Variants in USB1 observed in about 807,000 individuals in gnomAD.
USB1 encodes the protein U6 snRNA biogenesis phosphodiesterase 1.
USB1 carries 21 observed loss-of-function variants against 29.9 expected under a neutral mutation model. The ratio of observed to expected loss-of-function variants is 0.70; its 90% confidence interval spans 0.50 to 1.01. The LOEUF is 1.01. Among genes scored for constraint, USB1 ranks in the 50% least tolerant of loss-of-function variants. The pLI, the probability that USB1 is intolerant of heterozygous loss-of-function variation, is 0.00. For synonymous variants in USB1, 143 were observed against 134.9 expected (o/e 1.06, Z -0.42); for missense variants, 330 against 347.1 (o/e 0.95, Z 0.39).
At chr16:58,004,448 T>C (rs1232244307) in intron 2 of USB1, among the ~76,000 whole-genome samples, 3 of 152,150 alleles carry the variant, frequency 2.0e-5, no homozygotes. Context: ...TTGGGGGCTT[T>C]TTTTGGTTTT....
In USB1 at chr16:58,019,037, G is replaced by A. The variant is rs1481028420; in HGVS notation, c.675G>A (p.Gln225=). The change falls in exon 6 of 7, where the codon CAG becomes CAA. Residue 225 remains glutamine (Q), a synonymous_variant. Transcript: ENST00000219281. ...VGDARLQLEG[Q]CLQELQAIVD... ...ATGCACGTCTCCAGCTGGAGGGGCA[G>A]TGCCTGCAGGAACTACAGGTGAATT... 6.2e-7 allele frequency: 1 copy of A among 1,614,082 alleles called. No homozygotes were observed. Among genetic ancestry groups the A allele is most frequent in the Non-Finnish European group, 8.5e-7 (1 of 1,180,042 alleles).
chr16:58,010,057 CACTGGATCCT>C lies in USB1; in HGVS notation c.395_404del (p.His132ProfsTer7). ...GTCCCAGAGTGTGGTTCTGCGCCAC[CACTGGATCCT>C]CCCCTTCGTGCAGGCTCTGAAAGCC... is the stretch of plus-strand genomic sequence containing the variant. On this transcript the variant is annotated frameshift_variant, in exon 3 of 7. Coordinates refer to ENST00000219281, the MANE Select transcript of USB1 (RefSeq NM_024598.4). LOFTEE classifies it high-confidence loss of function. 1 of 1,614,174 alleles carries C rather than the reference CACTGGATCCT, an allele frequency of 6.2e-7. No homozygotes were observed. Among genetic ancestry groups the C allele is most frequent in the South Asian group, 1.1e-5 (1 of 91,088 alleles).
rs547883874 is a variant in USB1, at chr16:58,020,528, T to TTC, written c.*291_*292dup. On this transcript the variant is annotated 3_prime_UTR_variant, in exon 7 of 7. Transcript: ENST00000219281. ...TCTTCCTCTCCTCTCTCTCTTCCTC[T>TTC]TCTCTCTCTTCCCCTCCTGTCTCTC... 2 of 453,752 alleles carry TTC rather than the reference T, an allele frequency of 4.4e-6. No homozygotes were observed. The highest frequency in any genetic ancestry group is 8.0e-6 in the Non-Finnish European group (2 of 249,964). 28.1% of individuals were successfully genotyped at this position (453,752 alleles called of 1,614,324 possible). A position where few individuals can be genotyped will look rare whatever the true frequency, so the allele number is the denominator to read the frequency against.
chr16:58,019,005 G>T lies in USB1; in HGVS notation c.643G>T (p.Val215Leu). 1 of 1,614,232 alleles carries T rather than the reference G, an allele frequency of 6.2e-7. No homozygotes were observed. The highest frequency in any genetic ancestry group is 1.1e-5 in the South Asian group (1 of 91,086). Residue 215 changes from valine (V) to leucine (L), a missense_variant, in exon 6 of 7, where the codon GTG becomes TTG. Val to Leu is a conservative substitution (Grantham distance 32). Transcript: ENST00000219281. Reference sequence around the variant, plus strand: ...TTTCCACCTCAGCCTGGCCTGGTGTGTGGGTGATGCACGTCTCCAGCTGGA... The same window carrying T: ...TTTCCACCTCAGCCTGGCCTGGTGTTTGGGTGATGCACGTCTCCAGCTGGA... ...PSFHLSLAWC[V>L]GDARLQLEGQ...
chr16:58,006,705 G>A (rs1367392811), intron 2 of USB1, among the ~76,000 whole-genome samples: 3 of 152,130 alleles, frequency 2.0e-5, no homozygotes, highest in Non-Finnish European at 4.4e-5. Context: ...TTGCTAATCT[G>A]TATACCTTTT....
intron 3 of USB1, chr16:58,012,255 C>T: frequency 6.5e-7 from 1 of 1,534,036 alleles, no homozygotes. Flanking sequence ...GTCCAGCCCT[C>T]CCCCTCTTTG....
In USB1 at chr16:58,013,418, T is replaced by C. The variant is rs1251302051; in HGVS notation, c.450-855T>C. On this transcript the variant is annotated intron_variant, in intron 3 of 6. Coordinates refer to ENST00000219281, the MANE Select transcript of USB1 (RefSeq NM_024598.4). The surrounding 1 kb of genome is among the most constrained non-coding windows in gnomAD (Gnocchi z 4.3). ...GATTGTGAGGCTCTACCCAGCATGC[T>C]GGTATATTATGTTCCCTCAGATGGG... The C allele has an allele frequency of 3.0e-6, 3 of 985,318 alleles. No individual in the cohort carries two copies. In the African/African-American group the frequency reaches 5.2e-5, roughly 17 times the overall value. 61.0% of individuals were successfully genotyped at this position (985,318 alleles called of 1,614,324 possible). A position where few individuals can be genotyped will look rare whatever the true frequency, so the allele number is the denominator to read the frequency against.
intron 4 of USB1, chr16:58,016,005 A>G (rs1047040328): frequency 1.4e-4 from 22 of 152,554 alleles, no homozygotes; most frequent in Admixed American, 6.5e-4. Flanking sequence ...CCTGATCTAT[A>G]TCTGGGGATG....
At chr16:58,011,008 C>G (rs1188371438) in intron 3 of USB1, 1 of 707,216 alleles carries the variant, frequency 1.4e-6, no homozygotes, top group African/African-American at 1.7e-5. Flanking sequence ...CTTGCTCTTT[C>G]TGTGATCAGC....
intron 2 of USB1, among the ~76,000 whole-genome samples, chr16:58,003,215 A>G (rs1022033007): frequency 6.6e-6 from 1 of 152,220 alleles, no homozygotes; most frequent in African/African-American, 2.4e-5. Context: ...ACTTGAGCCC[A>G]GGTGTTTGAG....
chr16:58,008,981 G>A (rs138935182), intron 2 of USB1, among the ~76,000 whole-genome samples: 379 of 152,276 alleles, frequency 2.5e-3, no homozygotes, highest in Middle Eastern at 6.8e-3. Context: ...CAGACTTTTA[G>A]TCTAATTTCA....
At chr16:58,005,224 A>G (rs1963323234) in intron 2 of USB1, among the ~76,000 whole-genome samples, 1 of 152,200 alleles carries the variant, frequency 6.6e-6, no homozygotes. Context: ...AGGCCTCCAG[A>G]TAACTGCGGG....
intron 6 of USB1, among the ~76,000 whole-genome samples, chr16:58,019,416 T>G (rs1466736618): frequency 6.6e-6 from 1 of 152,226 alleles, no homozygotes; most frequent in Non-Finnish European, 1.5e-5. Context: ...TCCTAGCCAC[T>G]TGCCCAGAGG....
chr16:58,014,332 T>G lies in USB1; in HGVS notation c.503+6T>G, dbSNP rs1963566855. Reference sequence around the variant, plus strand: ...ACCAATCAAGAGAAAACCAGGTGGGTCCTCCCAACCCCCAATCACCATCAG... The same window carrying G: ...ACCAATCAAGAGAAAACCAGGTGGGGCCTCCCAACCCCCAATCACCATCAG... On this transcript the variant is annotated splice_donor_region_variant and intron_variant, in intron 4 of 6. Coordinates refer to ENST00000219281, the MANE Select transcript of USB1 (RefSeq NM_024598.4). 1 of 1,612,132 alleles carries G rather than the reference T, an allele frequency of 6.2e-7. No homozygotes were observed. The highest frequency in any genetic ancestry group is 1.3e-5 in the African/African-American group (1 of 74,858).
chr16:58,001,132 C>A (rs1191883002), upstream of USB1, among the ~76,000 whole-genome samples: 1 of 152,134 alleles, frequency 6.6e-6, no homozygotes, highest in East Asian at 1.9e-4. Context: ...AGTGCGCTGA[C>A]CCGGGACTGT....
At chr16:58,000,082 ATGAAAGCC>A (rs1027834840), upstream of USB1, among the ~76,000 whole-genome samples, 4 of 152,078 alleles carry the variant, frequency 2.6e-5, no homozygotes, top group African/African-American at 9.7e-5. The surrounding 1 kb of genome is among the most constrained non-coding windows in gnomAD (Gnocchi z 4.5). Context: ...GAGAAACCGA[ATGAAAGCC>A]GATCACCTCC....
At position 58,001,552 on chromosome 16, in the gene USB1, G is replaced by A. The variant is rs1487178809; in HGVS notation, c.69G>A (p.Arg23=). ...AGGATGAGTCCGAGGACGGGATGCG[G>A]ACCAGGCCGGGGGATGGGAGCCACC... ...GSEDESEDGM[R]TRPGDGSHRR... The change falls in exon 1 of 7, where the codon CGG becomes CGA. Residue 23 remains arginine, a synonymous_variant. Transcript: ENST00000219281. 2 of 1,609,356 alleles carry A rather than the reference G, an allele frequency of 1.2e-6. No individual in the cohort carries two copies. The highest frequency in any genetic ancestry group is 1.1e-5 in the South Asian group (1 of 90,258).
chr16:58,019,124 G>A, intron 6 of USB1, 69 bp downstream of exon 6: 2 of 1,502,668 alleles, frequency 1.3e-6, no homozygotes, highest in South Asian at 1.2e-5. Flanking sequence ...GCTGGAGAGG[G>A]GGAGGATGAG....
intron 3 of USB1, chr16:58,010,858 G>C (rs943588125): frequency 1.1e-5 from 7 of 613,436 alleles, no homozygotes; most frequent in East Asian, 2.8e-5. Flanking sequence ...ACCAAGGGAA[G>C]CTCCTCAAAC....
Sources: gnomAD v4.1 joint callset for allele counts (sites outside exome capture counted in the v4.1 genomes callset) on GRCh38, gnomAD v4.1.1 for gene constraint, Gnocchi (gnomAD v3.1) non-coding constraint, MANE v1.5 for transcripts, NCBI Gene and HGNC (gene_info 2026-07-23, HGNC 2026-07-21) for gene names.